MAGI2: variants seen among roughly 807,000 people sequenced by gnomAD.
MAGI2 encodes membrane associated guanylate kinase, WW and PDZ domain containing 2.
MAGI2 carries 35 observed loss-of-function variants against 133.3 expected under a neutral mutation model. That is an observed-to-expected ratio of 0.26 (90% CI 0.20 to 0.35). MAGI2 has a LOEUF of 0.35. Ranked by LOEUF, MAGI2 falls within the 10% of genes least tolerant of loss-of-function variation. The probability of loss-of-function intolerance (pLI) is 1.00; values close to 1 mark genes in which losing one functional copy is unlikely to be tolerated. For synonymous variants in MAGI2, 729 were observed against 710.6 expected (o/e 1.03, Z -0.41); for missense variants, 1,636 against 1,863.4 (o/e 0.88, Z 2.25).
chr7:78,573,304 A>ATATAAATATATATATT (rs1801870380), intron 3 of MAGI2, among the ~76,000 whole-genome samples: 1 of 55,506 alleles, frequency 1.8e-5, no homozygotes, highest in African/African-American at 8.1e-5. Flanking sequence ...ATATATATTT[A>ATATAAATATATATATT]TATATATAAA....
intron 2 of MAGI2, among the ~76,000 whole-genome samples, chr7:78,794,364 A>G (rs910018979): frequency 2.6e-5 from 4 of 152,198 alleles, no homozygotes; most frequent in Non-Finnish European, 5.9e-5. Flanking sequence ...AAGAGGAATT[A>G]CGATGGCAAC....
At chr7:78,619,556 C>T (rs1360594040) in intron 3 of MAGI2, among the ~76,000 whole-genome samples, 1 of 151,858 alleles carries the variant, frequency 6.6e-6, no homozygotes, top group African/African-American at 2.4e-5. Context: ...TTGCTTATGT[C>T]AGTCCTTCTA....
intron 10 of MAGI2, among the ~76,000 whole-genome samples, chr7:78,251,062 G>A (rs1228249882): frequency 6.6e-6 from 1 of 152,042 alleles, no homozygotes; most frequent in East Asian, 1.9e-4. Context: ...GTTATCCCAG[G>A]AACATTAAAT....
chr7:78,952,972 A>C (rs1056959191), intron 2 of MAGI2, among the ~76,000 whole-genome samples: 1 of 152,172 alleles, frequency 6.6e-6, no homozygotes, highest in Non-Finnish European at 1.5e-5. Flanking sequence ...GACCTACTAA[A>C]GTGAAATATT....
chr7:79,049,771 C>A (rs1044859696), intron 1 of MAGI2, among the ~76,000 whole-genome samples: 2 of 149,370 alleles, frequency 1.3e-5, no homozygotes, highest in African/African-American at 2.5e-5. Flanking sequence ...TCTGATAACA[C>A]TCATATGTAG....
intron 2 of MAGI2, among the ~76,000 whole-genome samples, chr7:78,930,629 A>G (rs1375836609): frequency 1.3e-5 from 2 of 152,134 alleles, no homozygotes; most frequent in African/African-American, 4.8e-5. Context: ...TATCAGAAAC[A>G]TAAGAGAATC....
chr7:79,177,359 C>T (rs1192832111), intron 1 of MAGI2: 2 of 151,968 alleles, frequency 1.3e-5, no homozygotes, highest in Non-Finnish European at 1.5e-5. Context: ...AATTTTTCAA[C>T]TTTCTTTTGA....
At chr7:78,704,580 G>T (rs867324346) in intron 2 of MAGI2, among the ~76,000 whole-genome samples, 1 of 152,092 alleles carries the variant, frequency 6.6e-6, no homozygotes, top group African/African-American at 2.4e-5. Flanking sequence ...ATACACAAAG[G>T]TATAGAGACA....
In MAGI2 at chr7:78,135,001, A is replaced by G; in HGVS notation, c.3031+20T>C. 1 of 1,610,702 alleles carries G rather than the reference A, an allele frequency of 6.2e-7. No individual in the cohort carries two copies. The highest frequency in any genetic ancestry group is 8.5e-7 in the Non-Finnish European group (1 of 1,178,004). ...TCCATGTGTTGGCCGCCTCTCTGCA[A>G]GGCTGCCTCAGGCACTCACCCTCCT... On this transcript the variant is annotated intron_variant, in intron 17 of 21. Coordinates refer to ENST00000354212, the MANE Select transcript of MAGI2 (RefSeq NM_012301.4).
intron 1 of MAGI2, among the ~76,000 whole-genome samples, chr7:79,017,225 TC>T (rs1294451633): frequency 1.1e-4 from 16 of 152,154 alleles, no homozygotes; most frequent in Admixed American, 3.3e-4. Flanking sequence ...TTCAGGCCCC[TC>T]CAGTGAGTTA....
intron 16 of MAGI2, among the ~76,000 whole-genome samples, chr7:78,141,902 C>T (rs907016677): frequency 6.6e-6 from 1 of 152,164 alleles, no homozygotes; most frequent in African/African-American, 2.4e-5. Flanking sequence ...TGGAGAGAAA[C>T]ACTCAGCAGC....
intron 21 of MAGI2, among the ~76,000 whole-genome samples, chr7:78,056,642 G>A (rs10248321): frequency 0.32 from 48,715 of 151,848 alleles, 7,977 homozygotes; most frequent in East Asian, 0.46. Flanking sequence ...AATTGAGGGG[G>A]GAACAACACA....
At chr7:78,944,933 T>C (rs1285457208) in intron 2 of MAGI2, among the ~76,000 whole-genome samples, 1 of 152,022 alleles carries the variant, frequency 6.6e-6, no homozygotes, top group African/African-American at 2.4e-5. Flanking sequence ...GAGATGGGGT[T>C]TCATCATGTT....
intron 1 of MAGI2, among the ~76,000 whole-genome samples, chr7:79,141,608 A>G (rs940760593): frequency 6.6e-6 from 1 of 152,114 alleles, no homozygotes; most frequent in African/African-American, 2.4e-5. Flanking sequence ...TTAATGTACT[A>G]TATCTTACTT....
chr7:79,149,747 C>T (rs1823009528), intron 1 of MAGI2, among the ~76,000 whole-genome samples: 1 of 151,998 alleles, frequency 6.6e-6, no homozygotes, highest in African/African-American at 2.4e-5. Context: ...GGGTCATTGC[C>T]TCATTTCAAT....
intron 2 of MAGI2, chr7:78,940,832 C>G (rs938469387): frequency 2.6e-5 from 4 of 152,274 alleles, no homozygotes; most frequent in Non-Finnish European, 2.9e-5. Context: ...GCAAGTTAAC[C>G]GGAAATCAGC....
chr7:78,272,155 A>C lies in MAGI2; in HGVS notation c.1409-15574T>G, dbSNP rs143717097. On this transcript the variant is annotated intron_variant, in intron 9 of 21. Coordinates refer to ENST00000354212, the MANE Select transcript of MAGI2 (RefSeq NM_012301.4). ...CTGGTGCATCGTGTCCTTTGTTCTC[A>C]TTGGTTTCAAAGAACATCTTTATTC... 5.8e-3 allele frequency among the ~76,000 whole-genome samples: 883 copies of C among 152,202 alleles called. 13 individuals are homozygous for C. The highest frequency in any genetic ancestry group is 0.02 in the African/African-American group (837 of 41,516).
intron 2 of MAGI2, among the ~76,000 whole-genome samples, chr7:78,728,658 C>T (rs1355736725): frequency 1.0e-5 from 1 of 97,618 alleles, no homozygotes; most frequent in Non-Finnish European, 1.9e-5. Flanking sequence ...CTCCGCCTCC[C>T]GGGTTCACAC....
intron 7 of MAGI2, among the ~76,000 whole-genome samples, chr7:78,356,837 TC>T (rs1792134035): frequency 6.6e-6 from 1 of 152,210 alleles, no homozygotes; most frequent in South Asian, 2.1e-4. Flanking sequence ...TCACTGAGAT[TC>T]ACCAAAGTGA....
Sources: allele counts gnomAD v4.1 joint callset (sites outside exome capture counted in the v4.1 genomes callset), GRCh38; gene constraint gnomAD v4.1.1; transcripts MANE v1.5; gene names NCBI Gene and HGNC (gene_info 2026-07-23, HGNC 2026-07-21).